The following KCTD16 variants were observed in gnomAD, a reference collection of about 807,000 sequenced individuals.
The protein encoded by KCTD16 is potassium channel tetramerization domain containing 16.
Under a neutral mutation model 33.2 loss-of-function variants are expected in KCTD16, and 13 were observed. That is an observed-to-expected ratio of 0.39 (90% confidence interval 0.25 to 0.62). The LOEUF (loss-of-function observed/expected upper bound fraction) is 0.62, where lower values mean the gene tolerates loss of function less well. KCTD16 is among the 20% of genes least tolerant of loss of function. The pLI, the probability that KCTD16 is intolerant of heterozygous loss-of-function variation, is 0.50. For missense variants in KCTD16, 441 were observed against 525.1 expected (o/e 0.84, Z 1.57); for synonymous variants, 197 against 195.3 (o/e 1.01, Z -0.07).
At chr5:144,355,866 G>T (rs561548549) in intron 3 of KCTD16, among the ~76,000 whole-genome samples, 1 of 152,096 alleles carries the variant, frequency 6.6e-6, no homozygotes, top group African/African-American at 2.4e-5. Flanking sequence ...CTCCATTCTT[G>T]CTATAAAAAT....
intron 3 of KCTD16, among the ~76,000 whole-genome samples, chr5:144,463,314 C>T (rs1323878240): frequency 2.0e-5 from 3 of 152,134 alleles, no homozygotes; most frequent in Non-Finnish European, 4.4e-5. Context: ...ATATAGTTCT[C>T]TCTATTGAAT....
At position 144,206,897 on chromosome 5, in the gene KCTD16, G is replaced by A. The variant is rs766844514; in HGVS notation, c.183G>A (p.Thr61=). Reference sequence around the variant, plus strand: ...AAATGTTTTCCCCAAAGAGAGACACGGCTAATGATCTAGCCAAGGACTCCA... The same window carrying A: ...AAATGTTTTCCCCAAAGAGAGACACAGCTAATGATCTAGCCAAGGACTCCA... ...LWKMFSPKRD[T]ANDLAKDSKG... Residue 61 remains threonine, a synonymous_variant, in exon 3 of 4, where the codon ACG becomes ACA. Transcript: ENST00000512467. 14 of 1,613,960 alleles carry A rather than the reference G, an allele frequency of 8.7e-6. No homozygotes were observed. Among genetic ancestry groups the A allele is most frequent in the Middle Eastern group, 1.6e-4 (1 of 6,084 alleles).
intron 3 of KCTD16, among the ~76,000 whole-genome samples, chr5:144,303,350 C>A (rs1156498752): frequency 6.6e-6 from 1 of 152,136 alleles, no homozygotes; most frequent in African/African-American, 2.4e-5. Context: ...AGATGAATAG[C>A]TTTATAGGCT....
At chr5:144,219,234 A>G (rs1297071839) in intron 3 of KCTD16, among the ~76,000 whole-genome samples, 1 of 151,702 alleles carries the variant, frequency 6.6e-6, no homozygotes, top group Non-Finnish European at 1.5e-5. Context: ...ATTTTTTGAG[A>G]TGGAGTCTGG....
intron 3 of KCTD16, among the ~76,000 whole-genome samples, chr5:144,312,598 C>T (rs1474466575): frequency 6.6e-6 from 1 of 152,188 alleles, no homozygotes; most frequent in Non-Finnish European, 1.5e-5. Context: ...CTGAATGCCA[C>T]TTGCAGTCTA....
intron 3 of KCTD16, among the ~76,000 whole-genome samples, chr5:144,318,793 G>A (rs888250235): frequency 6.6e-6 from 1 of 152,138 alleles, no homozygotes; most frequent in African/African-American, 2.4e-5. Flanking sequence ...TCACTGGAAT[G>A]TTCCCCAAAA....
intron 3 of KCTD16, among the ~76,000 whole-genome samples, chr5:144,281,414 A>G (rs1755606490): frequency 6.6e-6 from 1 of 152,190 alleles, no homozygotes; most frequent in Admixed American, 6.5e-5. Context: ...TCAATTCAGA[A>G]TATTTTCTAC....
intron 3 of KCTD16, among the ~76,000 whole-genome samples, chr5:144,429,925 G>A (rs1488897349): frequency 6.6e-6 from 1 of 151,856 alleles, no homozygotes; most frequent in Non-Finnish European, 1.5e-5. Flanking sequence ...AAGAAGGAAA[G>A]GAGGAGAAAT....
In KCTD16 at chr5:144,474,771, T is replaced by G. The variant is rs1008264971; in HGVS notation, c.*657T>G. ...CTTAGAATATTTCAGATGGATGAGCTTCTGACTCTTTCTTAAAATTCTTTT... is the reference window on the plus strand; with the variant it reads ...CTTAGAATATTTCAGATGGATGAGCGTCTGACTCTTTCTTAAAATTCTTTT... On this transcript the variant is annotated 3_prime_UTR_variant, in exon 4 of 4. Transcript: ENST00000512467. 1.3e-5 allele frequency: 2 copies of G among 152,302 alleles called. No individual in the cohort carries two copies. Among genetic ancestry groups the G allele is most frequent in the African/African-American group, 4.8e-5 (2 of 41,448 alleles). The allele number at this position is 152,302 out of a possible 1,614,324, so 9.4% of individuals were successfully genotyped here.
chr5:144,280,116 C>G (rs1416309722), intron 3 of KCTD16, among the ~76,000 whole-genome samples: 1 of 151,960 alleles, frequency 6.6e-6, no homozygotes, highest in African/African-American at 2.4e-5. Context: ...GGTTATTGGT[C>G]TGTAGTTTTT....
At chr5:144,227,258 A>G (rs1387308034) in intron 3 of KCTD16, among the ~76,000 whole-genome samples, 1 of 152,196 alleles carries the variant, frequency 6.6e-6, no homozygotes, top group African/African-American at 2.4e-5. Context: ...TGAGGCAGTG[A>G]TATTTAAATA....
chr5:144,319,817 G>T (rs1197655472), intron 3 of KCTD16, among the ~76,000 whole-genome samples: 1 of 152,146 alleles, frequency 6.6e-6, no homozygotes, highest in Admixed American at 6.6e-5. Context: ...AGACATGAAT[G>T]CCAAAGGTGC....
chr5:144,406,174 A>T (rs934764057), intron 3 of KCTD16, among the ~76,000 whole-genome samples: 2 of 152,174 alleles, frequency 1.3e-5, no homozygotes, highest in Non-Finnish European at 2.9e-5. Flanking sequence ...TCCCAAAGTG[A>T]TTTCAGCCTA....
intron 2 of KCTD16, among the ~76,000 whole-genome samples, chr5:144,195,929 C>A (rs1379782166): frequency 1.3e-5 from 2 of 152,160 alleles, no homozygotes; most frequent in East Asian, 3.9e-4. Flanking sequence ...TAACAGCAGT[C>A]ATCACTTTCT....
At chr5:144,316,762 C>G (rs1751927105) in intron 3 of KCTD16, among the ~76,000 whole-genome samples, 1 of 151,186 alleles carries the variant, frequency 6.6e-6, no homozygotes, top group Admixed American at 6.6e-5. Context: ...ATCTGTCCAT[C>G]TAGGCCTCCC....
At chr5:144,339,907 T>C (rs896171222) in intron 3 of KCTD16, among the ~76,000 whole-genome samples, 1 of 152,200 alleles carries the variant, frequency 6.6e-6, no homozygotes, top group African/African-American at 2.4e-5. Flanking sequence ...TGCTCAATAC[T>C]TGCCCCTCTC....
chr5:144,357,655 A>G (rs890052023), intron 3 of KCTD16, among the ~76,000 whole-genome samples: 6 of 152,178 alleles, frequency 3.9e-5, no homozygotes, highest in Non-Finnish European at 2.9e-5. Context: ...TGTCTAAAGA[A>G]CTTCACAGAG....
intron 3 of KCTD16, among the ~76,000 whole-genome samples, chr5:144,273,089 A>G (rs2126848467): frequency 6.6e-6 from 1 of 152,326 alleles, no homozygotes; most frequent in East Asian, 1.9e-4. Context: ...TAAGAGATTA[A>G]TATTCCAGAT....
chr5:144,222,698 T>C (rs528300355), intron 3 of KCTD16, among the ~76,000 whole-genome samples: 2 of 152,354 alleles, frequency 1.3e-5, no homozygotes, highest in East Asian at 3.9e-4. Context: ...TTGGTGGGAC[T>C]GTAAACTAGT....
Sources: gnomAD v4.1 joint callset for allele counts (sites outside exome capture counted in the v4.1 genomes callset) on GRCh38, gnomAD v4.1.1 for gene constraint, MANE v1.5 for transcripts, NCBI Gene and HGNC (gene_info 2026-07-23, HGNC 2026-07-21) for gene names.